Variants in LONP1 observed in about 807,000 individuals in gnomAD.
LONP1 encodes the protein lon protease homolog, mitochondrial.
In LONP1, 31 loss-of-function variants were observed where a neutral mutation model predicts 98.5. The ratio of observed to expected loss-of-function variants is 0.31; its 90% CI spans 0.24 to 0.42. The LOEUF (loss-of-function observed/expected upper bound fraction) is 0.42, where lower values mean the gene tolerates loss of function less well. Among genes scored for constraint, LONP1 ranks in the 20% least tolerant of loss-of-function variants. LONP1 has a pLI of 1.00. For synonymous variants in LONP1, 781 were observed against 594.7 expected, an observed-to-expected ratio of 1.31 and a Z score of -4.56; for missense variants, 1,336 against 1,350.6, an observed-to-expected ratio of 0.99 and a Z score of 0.17.
intron 1 of LONP1, among the ~76,000 whole-genome samples, chr19:5,718,729 G>A (rs2055367230): frequency 6.6e-6 from 1 of 151,992 alleles, no homozygotes; most frequent in African/African-American, 2.4e-5. Flanking sequence ...GGGAGCTGGG[G>A]GAGAAGGCTT....
chr19:5,701,351 C>T (rs1448847732), intron 8 of LONP1, among the ~76,000 whole-genome samples: 1 of 152,112 alleles, frequency 6.6e-6, no homozygotes, highest in Non-Finnish European at 1.5e-5. Flanking sequence ...TCTCCCCTTT[C>T]CCTCTTTCCA....
At chr19:5,701,176 T>C (rs1457223229) in intron 8 of LONP1, among the ~76,000 whole-genome samples, 1 of 152,226 alleles carries the variant, frequency 6.6e-6, no homozygotes, top group Non-Finnish European at 1.5e-5. Flanking sequence ...CCAGGCACAG[T>C]GGCTCACGCC....
intron 8 of LONP1, among the ~76,000 whole-genome samples, chr19:5,702,497 C>G (rs79570523): frequency 0.015 from 2,327 of 151,612 alleles, 39 homozygotes; most frequent in Non-Finnish European, 0.023. Context: ...GTCAGCCCCC[C>G]GCCCGGCCAG....
intron 8 of LONP1, 92 bp from the exon 9 acceptor site, chr19:5,701,019 A>G: frequency 6.8e-7 from 1 of 1,469,920 alleles, no homozygotes; most frequent in Non-Finnish European, 9.5e-7. Flanking sequence ...AGGGGCTTGA[A>G]ACCCATGTGT....
At chr19:5,720,183 C>T (rs1314768248), upstream of LONP1, 1 of 1,383,278 alleles carries the variant, frequency 7.2e-7, no homozygotes, top group Non-Finnish European at 9.3e-7. Context: ...CCGCTCGCCG[C>T]GAAACGCACG....
At chr19:5,715,502 C>T (rs34941909) in intron 1 of LONP1, among the ~76,000 whole-genome samples, 4 of 150,594 alleles carry the variant, frequency 2.7e-5, no homozygotes, top group South Asian at 2.1e-4. Context: ...ATTAGCCGGG[C>T]GTGGTGGCGG....
intron 6 of LONP1, among the ~76,000 whole-genome samples, 191 bp from the exon 7 acceptor site, chr19:5,707,334 C>T (rs989104763): frequency 5.9e-5 from 9 of 152,330 alleles, no homozygotes; most frequent in Admixed American, 2.0e-4. Context: ...ACGGATACTT[C>T]ACAGGCCCTC....
At chr19:5,718,174 C>G (rs1032404934) in intron 1 of LONP1, among the ~76,000 whole-genome samples, 7 of 152,050 alleles carry the variant, frequency 4.6e-5, no homozygotes, top group African/African-American at 1.7e-4. Context: ...AACCAGTACT[C>G]AACATCAAGG....
Position 5,694,481 on chromosome 19 carries a change from C to T in LONP1, c.2226G>A (p.Leu742=). The T allele has an allele frequency of 6.2e-7, 1 of 1,613,444 alleles. No individual in the cohort carries two copies. The highest frequency in any genetic ancestry group is 1.3e-5 in the African/African-American group (1 of 75,070). ...ACACGGGCTTCCCCACGAAGTCCTG[C>T]AGGTTCTCGGGCGTCACCTCCACGG... ...AESVEVTPEN[L]QDFVGKPVFT... is the part of the protein sequence containing the mutation. The change falls in exon 15 of 18, where the codon CTG becomes CTA. Residue 742 remains leucine (L), a synonymous_variant. Coordinates refer to ENST00000360614, the MANE Select transcript of LONP1 (RefSeq NM_004793.4).
chr19:5,697,885 C>T (rs1344642564), intron 10 of LONP1, among the ~76,000 whole-genome samples: 2 of 152,088 alleles, frequency 1.3e-5, no homozygotes, highest in African/African-American at 4.8e-5. Flanking sequence ...GGTCTCTCCT[C>T]CGGCCCGCAC....
Position 5,693,284 on chromosome 19 carries a change from A to G in LONP1, c.2703+14T>C. 6.2e-7 allele frequency: 1 copy of G among 1,604,346 alleles called. No homozygotes were observed. ...GCCCTGCCAGTGCTGTGGGGTGGGT[A>G]CAGGGACACTCACCGCAATGGTCTT... On this transcript the variant is annotated intron_variant, in intron 17 of 17. Transcript: ENST00000360614.
intron 1 of LONP1, among the ~76,000 whole-genome samples, chr19:5,719,007 A>C (rs1398687714): frequency 6.6e-6 from 1 of 152,130 alleles, no homozygotes; most frequent in East Asian, 1.9e-4. Flanking sequence ...GCCTTCTAAT[A>C]CAATATCGTT....
At chr19:5,713,811 C>T (rs972030859) in intron 2 of LONP1, among the ~76,000 whole-genome samples, 2 of 152,174 alleles carry the variant, frequency 1.3e-5, no homozygotes, top group African/African-American at 2.4e-5. Flanking sequence ...GATCCACATG[C>T]CTCAGCCTCC....
At chr19:5,714,152 A>C (rs982928497) in intron 2 of LONP1, 31 bp downstream of exon 2, 1 of 1,569,808 alleles carries the variant, frequency 6.4e-7, no homozygotes, top group South Asian at 1.1e-5. Flanking sequence ...GGGCACCGTC[A>C]ACAAGGGAAT....
At chr19:5,695,347 CTG>C (rs890459491) in intron 13 of LONP1, among the ~76,000 whole-genome samples, 3 of 152,086 alleles carry the variant, frequency 2.0e-5, no homozygotes, top group Admixed American at 2.0e-4. Flanking sequence ...GGGAGGGCAT[CTG>C]TGAGACGGAC....
intron 4 of LONP1, among the ~76,000 whole-genome samples, chr19:5,711,434 T>C (rs952645405): frequency 5.9e-5 from 9 of 152,112 alleles, no homozygotes; most frequent in African/African-American, 2.2e-4. Flanking sequence ...CCAGGCTTGG[T>C]GGGAAGAAGC....
chr19:5,712,319 T>C, intron 3 of LONP1: 1 of 314,086 alleles, frequency 3.2e-6, no homozygotes, highest in Non-Finnish European at 6.0e-6. Flanking sequence ...TCGAAAACGG[T>C]GTCAGCCTGG....
chr19:5,720,002 C>T lies in LONP1; in HGVS notation c.131G>A (p.Arg44Gln). 1.3e-6 allele frequency: 2 copies of T among 1,577,166 alleles called. No homozygotes were observed. Among genetic ancestry groups the T allele is most frequent in the African/African-American group, 1.4e-5 (1 of 73,470 alleles). Reference protein sequence around the residue: ...AAGAWLLRGQRTCDASPPWAL... With the variant: ...AAGAWLLRGQQTCDASPPWAL... ...CCAAGGAGGAGAGGCGTCGCAGGTC[C>T]GCTGGCCTCGGAGCAACCACGCTCC... Residue 44 changes from arginine to glutamine, a missense_variant, in exon 1 of 18, where the codon CGG becomes CAG. Around this residue, in one of 5 missense-constraint regions of LONP1, gnomAD observed 457 missense variants for 403.1 expected, o/e 1.13. Coordinates refer to ENST00000360614, the MANE Select transcript of LONP1 (RefSeq NM_004793.4).
chr19:5,692,235 G>A (rs766235502), intron 17 of LONP1, 27 bp from the exon 18 acceptor site: 10 of 1,587,540 alleles, frequency 6.3e-6, no homozygotes, highest in Non-Finnish European at 8.6e-6. Context: ...GGTCAGCCCT[G>A]CCTGGGCCTG....
Sources: allele counts gnomAD v4.1 joint callset (sites outside exome capture counted in the v4.1 genomes callset), GRCh38; gene constraint gnomAD v4.1.1; regional missense constraint gnomAD v4.1.1; transcripts MANE v1.5; gene names NCBI Gene and HGNC (gene_info 2026-07-23, HGNC 2026-07-21).